Variants in AUTS2 observed in about 807,000 individuals in gnomAD.
AUTS2 encodes autism susceptibility gene 2 protein.
In AUTS2, 17 loss-of-function variants were observed where a neutral mutation model predicts 112.4. The ratio of observed to expected loss-of-function variants is 0.15; its 90% CI spans 0.10 to 0.23. The LOEUF is 0.23. AUTS2 is among the 10% of genes least tolerant of loss of function. The pLI is 1.00. For synonymous variants in AUTS2, 751 were observed against 702.7 expected, an observed-to-expected ratio of 1.07 and a Z score of -1.09; for missense variants, 1,510 against 1,701.6, an observed-to-expected ratio of 0.89 and a Z score of 1.98.
chr7:69,606,796 G>A (rs1242099913), intron 1 of AUTS2, among the ~76,000 whole-genome samples: 3 of 152,180 alleles, frequency 2.0e-5, no homozygotes, highest in Non-Finnish European at 4.4e-5. Flanking sequence ...AATAATTAGT[G>A]AGCTGGGGCA....
chr7:70,267,207 A>G (rs1478836108), intron 4 of AUTS2, among the ~76,000 whole-genome samples: 1 of 151,580 alleles, frequency 6.6e-6, no homozygotes, highest in African/African-American at 2.4e-5. Flanking sequence ...AAATCCTCTC[A>G]CATTTATCGC....
intron 5 of AUTS2, among the ~76,000 whole-genome samples, chr7:70,680,456 T>G (rs17502134): frequency 0.24 from 36,773 of 152,152 alleles, 4,960 homozygotes; most frequent in Middle Eastern, 0.31. Context: ...TGGTCTACAA[T>G]AGCCCTGCAA....
At chr7:69,803,983 G>T (rs1436534611) in intron 1 of AUTS2, among the ~76,000 whole-genome samples, 2 of 152,190 alleles carry the variant, frequency 1.3e-5, no homozygotes, top group Admixed American at 1.3e-4. Flanking sequence ...AGTGATCATT[G>T]TTTGCACCAC....
intron 5 of AUTS2, among the ~76,000 whole-genome samples, chr7:70,550,923 G>A (rs1800990997): frequency 6.6e-6 from 1 of 152,104 alleles, no homozygotes; most frequent in African/African-American, 2.4e-5. Flanking sequence ...GAGTGAAATG[G>A]TTGCTTCTGG....
chr7:70,591,523 A>C (rs1270666682), intron 5 of AUTS2, among the ~76,000 whole-genome samples: 1 of 152,096 alleles, frequency 6.6e-6, no homozygotes, highest in African/African-American at 2.4e-5. Context: ...TCAGCCACCC[A>C]GGTAGCTGGG....
chr7:70,607,482 CA>C (rs1563072770), intron 5 of AUTS2, among the ~76,000 whole-genome samples: 1 of 152,104 alleles, frequency 6.6e-6, no homozygotes, highest in Admixed American at 6.5e-5. Flanking sequence ...CAAGACAACT[CA>C]CGATGCAGAC....
At chr7:70,435,480 A>T (rs1324512525) in intron 4 of AUTS2, among the ~76,000 whole-genome samples, 1 of 152,194 alleles carries the variant, frequency 6.6e-6, no homozygotes, top group African/African-American at 2.4e-5. Flanking sequence ...GTGATTGAGC[A>T]CCTTGCTGGA....
At chr7:70,758,374 G>C (rs927301363) in intron 6 of AUTS2, among the ~76,000 whole-genome samples, 7 of 152,110 alleles carry the variant, frequency 4.6e-5, no homozygotes, top group Non-Finnish European at 2.9e-5. Flanking sequence ...CCTCCACAGA[G>C]GTTGTAGAGT....
At position 70,127,250 on chromosome 7, in the gene AUTS2, C is replaced by T. The variant is rs140802592; in HGVS notation, c.625-7286C>T. ...CTGGGTTCAAACTTTTCTTGTGCCCCGGCCTCCTGAGTAGCTGGGATTATA... is the reference window on the plus strand; with the variant it reads ...CTGGGTTCAAACTTTTCTTGTGCCCTGGCCTCCTGAGTAGCTGGGATTATA... On this transcript the variant is annotated intron_variant, in intron 3 of 18. Transcript: ENST00000342771. 7.2e-5 allele frequency among the ~76,000 whole-genome samples: 11 copies of T among 152,176 alleles called. No individual in the cohort carries two copies. In the East Asian group the frequency reaches 1.7e-3, roughly 24 times the overall value.
intron 1 of AUTS2, among the ~76,000 whole-genome samples, chr7:69,669,257 G>A (rs1037763955): frequency 6.6e-6 from 1 of 152,000 alleles, no homozygotes; most frequent in Non-Finnish European, 1.5e-5. Flanking sequence ...TCTTCCCAGT[G>A]TTTTGGGGAC....
At chr7:70,032,123 A>G (rs1412818650) in intron 2 of AUTS2, among the ~76,000 whole-genome samples, 1 of 152,146 alleles carries the variant, frequency 6.6e-6, no homozygotes, top group Non-Finnish European at 1.5e-5. Context: ...AAACCTTTCT[A>G]AATCATTTAA....
At chr7:69,655,538 C>T (rs527278493) in intron 1 of AUTS2, among the ~76,000 whole-genome samples, 2 of 152,256 alleles carry the variant, frequency 1.3e-5, no homozygotes, top group African/African-American at 2.4e-5. Flanking sequence ...TCTGGCAGTG[C>T]GGGGCACAGT....
intron 4 of AUTS2, among the ~76,000 whole-genome samples, chr7:70,362,989 G>A (rs1004482384): frequency 2.6e-5 from 4 of 152,130 alleles, no homozygotes; most frequent in Admixed American, 6.5e-5. Context: ...ACCCCACTTA[G>A]AATTAAAGGA....
At chr7:70,418,101 GTGTGTGTGTGTC>G (rs1257143520) in intron 4 of AUTS2, among the ~76,000 whole-genome samples, 8 of 148,592 alleles carry the variant, frequency 5.4e-5, no homozygotes, top group Non-Finnish European at 6.0e-5. Flanking sequence ...GTGTGTGTGT[GTGTGTGTGTGTC>G]TGTGTGTGTA....
At chr7:70,609,545 C>G (rs28833472) in intron 5 of AUTS2, among the ~76,000 whole-genome samples, 3,528 of 151,826 alleles carry the variant, frequency 0.023, 151 homozygotes, top group African/African-American at 0.081. Flanking sequence ...CAGGCGCCCA[C>G]CACCACGCCA....
intron 2 of AUTS2, among the ~76,000 whole-genome samples, chr7:69,913,450 T>C (rs189041977): frequency 1.9e-4 from 29 of 152,320 alleles, no homozygotes; most frequent in African/African-American, 6.3e-4. Flanking sequence ...TTTCATACCA[T>C]ACTCTGTTTT....
At chr7:70,327,973 C>G (rs561472598) in intron 4 of AUTS2, among the ~76,000 whole-genome samples, 8 of 152,180 alleles carry the variant, frequency 5.3e-5, no homozygotes, top group African/African-American at 1.7e-4. Flanking sequence ...GCTCCCTTAT[C>G]CCCCAGTTGG....
rs553816098 is a variant in AUTS2, at chr7:70,107,905, G to A, written c.523-10227G>A. On this transcript the variant is annotated intron_variant, in intron 2 of 18. Transcript: ENST00000342771. The stretch of plus-strand genomic sequence containing the variant: ...GCGTGCCTGTAATCCCAGCTACCCC[G>A]GAGGCTGAGGCAGGAGAATGGCGTG... 5.9e-5 allele frequency among the ~76,000 whole-genome samples: 9 copies of A among 151,614 alleles called. No homozygotes were observed. The East Asian group carries it at 1.4e-3, about 23-fold the overall frequency.
At chr7:70,736,416 T>C (rs1787786207) in intron 6 of AUTS2, among the ~76,000 whole-genome samples, 1 of 152,328 alleles carries the variant, frequency 6.6e-6, no homozygotes, top group East Asian at 1.9e-4. Flanking sequence ...GTGAAATGAC[T>C]GGCATGCTTT....
Sources: gnomAD v4.1 joint callset for allele counts (sites outside exome capture counted in the v4.1 genomes callset) on GRCh38, gnomAD v4.1.1 for gene constraint, MANE v1.5 for transcripts, NCBI Gene and HGNC (gene_info 2026-07-23, HGNC 2026-07-21) for gene names.